ZNF385C: variants seen among roughly 807,000 people sequenced by gnomAD.
ZNF385C encodes the protein CTD-2132N18.2.
Under a neutral mutation model 35.4 loss-of-function variants are expected in ZNF385C, and 28 were observed. The observed-to-expected ratio is 0.79, with a 90% CI of 0.59 to 1.08. The LOEUF (loss-of-function observed/expected upper bound fraction) is 1.08. ZNF385C is among the 50% of genes least tolerant of loss of function. The probability of loss-of-function intolerance (pLI) is 0.00; values close to 1 mark genes in which losing one functional copy is unlikely to be tolerated. For synonymous variants in ZNF385C, 248 were observed against 248.2 expected (o/e 1.00, Z 0.01); for missense variants, 605 against 595.6 (o/e 1.02, Z -0.16).
intron 1 of ZNF385C, among the ~76,000 whole-genome samples, chr17:42,094,890 G>T (rs1555660868): frequency 6.6e-6 from 1 of 152,220 alleles, no homozygotes; most frequent in African/African-American, 2.4e-5. Flanking sequence ...TGGAGCCAGT[G>T]GGTCACCCAA....
At chr17:42,037,338 C>T (rs1006022851) in intron 3 of ZNF385C, among the ~76,000 whole-genome samples, 4 of 151,158 alleles carry the variant, frequency 2.6e-5, no homozygotes, top group Non-Finnish European at 5.9e-5. Context: ...CCACATATAA[C>T]ATACAAAACC....
chr17:42,095,507 C>G lies in ZNF385C; in HGVS notation c.-3+2903G>C, dbSNP rs147399249. ...GCTTCCATCCCTCCTGCTGCTGCGG[C>G]CCCATTTAGCTCTCTCCTTGCTCCT... On this transcript the variant is annotated intron_variant, in intron 1 of 8. Transcript: ENST00000692273. This position sits in a 1 kb window ranked among gnomAD's most constrained non-coding sequence, Gnocchi z 4.4. Among the ~76,000 whole-genome samples, 1,327 of 152,254 alleles carry G rather than the reference C, an allele frequency of 8.7e-3. 7 individuals are homozygous for G. The highest frequency in any genetic ancestry group is 0.021 in the South Asian group (99 of 4,818).
At chr17:42,092,971 G>A (rs1366307541) in intron 1 of ZNF385C, among the ~76,000 whole-genome samples, 2 of 152,216 alleles carry the variant, frequency 1.3e-5, no homozygotes, top group Non-Finnish European at 2.9e-5. Context: ...CCAAAGCTGG[G>A]TCTGGCCTCT....
intron 2 of ZNF385C, among the ~76,000 whole-genome samples, chr17:42,058,274 C>T (rs1555657734): frequency 6.6e-6 from 1 of 152,160 alleles, no homozygotes; most frequent in Non-Finnish European, 1.5e-5. Context: ...AACCACCTGT[C>T]ACTGTGGAAG....
intron 2 of ZNF385C, chr17:42,043,094 G>A: frequency 1.6e-6 from 2 of 1,232,240 alleles, no homozygotes. Flanking sequence ...AAAGGGGGCT[G>A]GCCCTGGTTG....
intron 7 of ZNF385C, 74 bp from the exon 8 acceptor site, chr17:42,027,802 T>C: frequency 6.8e-7 from 1 of 1,463,798 alleles, no homozygotes; most frequent in South Asian, 1.2e-5. Context: ...CCTCGACTCT[T>C]CCCCTTCCTC....
At chr17:42,034,753 C>T (rs1307730430) in intron 3 of ZNF385C, among the ~76,000 whole-genome samples, 3 of 146,802 alleles carry the variant, frequency 2.0e-5, no homozygotes, top group African/African-American at 5.1e-5. Flanking sequence ...CATTACACTC[C>T]AGCCTGGGCA....
At chr17:42,045,523 A>C (rs1297234571) in intron 2 of ZNF385C, among the ~76,000 whole-genome samples, 1 of 152,196 alleles carries the variant, frequency 6.6e-6, no homozygotes, top group Non-Finnish European at 1.5e-5. Context: ...GAGAGGACAA[A>C]ACTGAGGTCT....
In ZNF385C at chr17:42,034,294, A is replaced by G; in HGVS notation, c.441T>C (p.Gly147=). The G allele has an allele frequency of 6.4e-7, 1 of 1,550,548 alleles. No individual in the cohort carries two copies. Among genetic ancestry groups the G allele is most frequent in the Non-Finnish European group, 8.7e-7 (1 of 1,146,986 alleles). Residue 147 remains glycine, a synonymous_variant, in exon 4 of 9, where the codon GGT becomes GGC. Coordinates refer to ENST00000692273, the MANE Select transcript of ZNF385C (RefSeq NM_001392013.1). ...VQKAVISHTF[G]VPSPLKKKLF... is the part of the protein sequence containing the mutation. ...GCTTCTTCTTCAGAGGGGAGGGGAC[A>G]CCAAACGTGTGGCTGATGACAGCTT...
At chr17:42,033,033 T>A (rs1240623844) in intron 4 of ZNF385C, among the ~76,000 whole-genome samples, 2 of 152,106 alleles carry the variant, frequency 1.3e-5, no homozygotes, top group African/African-American at 2.4e-5. Flanking sequence ...CTCTCCTCCA[T>A]CTCTTGCAGG....
At chr17:42,091,113 A>G (rs1014868495) in intron 1 of ZNF385C, among the ~76,000 whole-genome samples, 50 of 152,208 alleles carry the variant, frequency 3.3e-4, no homozygotes, top group African/African-American at 1.2e-3. Context: ...GTTCCAAGGA[A>G]GCCCATTTCA....
At chr17:42,032,654 T>TG (rs2143555221) in intron 4 of ZNF385C, among the ~76,000 whole-genome samples, 1 of 152,244 alleles carries the variant, frequency 6.6e-6, no homozygotes, top group South Asian at 2.1e-4. Flanking sequence ...TGCCAGGCAC[T>TG]GTGCCCGGGG....
rs1267027780 is a variant in ZNF385C at position 42,063,047 on chromosome 17, G to A, written c.10C>T (p.Pro4Ser). The A allele has an allele frequency of 7.7e-6, 5 of 650,088 alleles. No individual in the cohort carries two copies. Among genetic ancestry groups the A allele is most frequent in the Non-Finnish European group, 1.4e-5 (5 of 363,082 alleles). The allele number at this position is 650,088 out of a possible 1,614,324, so 40.3% of individuals were successfully genotyped here. Residue 4 changes from proline to serine, a missense_variant, in exon 2 of 9, where the codon CCA becomes TCA. By Grantham distance (74) the Pro-to-Ser change is moderately conservative. Coordinates refer to ENST00000692273, the MANE Select transcript of ZNF385C (RefSeq NM_001392013.1). The part of the protein sequence containing the change: MKR[P>S]LSPPPPAEKE... ...TCAGCCGGTGGGGGTGGGCTCAGTGGCCGCTTCATATCTGAGTGGATAGAG... is the reference window on the plus strand; with the variant it reads ...TCAGCCGGTGGGGGTGGGCTCAGTGACCGCTTCATATCTGAGTGGATAGAG...
In ZNF385C at chr17:42,026,846, A is replaced by G; in HGVS notation, c.*51T>C. ...GGAAACCAAGGTGTCTCAGGACAGG[A>G]GGAGACAAGGAGTGGCTATTGGGAA... On this transcript the variant is annotated 3_prime_UTR_variant, in exon 9 of 9. Transcript: ENST00000692273. 1 of 1,504,236 alleles carries G rather than the reference A, an allele frequency of 6.6e-7. No individual in the cohort carries two copies. The highest frequency in any genetic ancestry group is 1.2e-5 in the South Asian group (1 of 83,400). 93.2% of individuals were successfully genotyped at this position (1,504,236 alleles called of 1,614,324 possible). A position where few individuals can be genotyped will look rare whatever the true frequency, so the allele number is the denominator to read the frequency against.
rs1567982598 is a variant in ZNF385C at position 42,027,722 on chromosome 17, T to C, written c.1171A>G (p.Ser391Gly). ...AGGCGGTCTTTGTGCCTCCTGCTGC[T>C]CATGTGCTAATGGACAGACAGACAG... is the stretch of plus-strand genomic sequence containing the variant. ...NSETQLKQHM[S>G]SRRHKDRLAG... The change falls in exon 8 of 9, where the codon AGC becomes GGC. Residue 391 changes from serine to glycine, a missense_variant. Physicochemically the swap from Ser to Gly is moderately conservative, Grantham distance 56 (BLOSUM62 0). Coordinates refer to ENST00000692273, the MANE Select transcript of ZNF385C (RefSeq NM_001392013.1). The C allele has an allele frequency of 6.2e-7, 1 of 1,612,422 alleles. No homozygotes were observed. Among genetic ancestry groups the C allele is most frequent in the Admixed American group, 1.7e-5 (1 of 59,382 alleles).
rs190610046 is a variant in ZNF385C, at chr17:42,064,933, T to C, written c.-2-1875A>G. On this transcript the variant is annotated intron_variant, in intron 1 of 8. Transcript: ENST00000692273. ...CACAATCTCAGCTCACTGCAACCTC[T>C]GCCTCCCGGATTCAAGCAATTCTCC... Among the ~76,000 whole-genome samples the C allele has an allele frequency of 4.7e-4, 72 of 152,192 alleles. 1 individual carries two copies. The highest frequency in any genetic ancestry group is 4.4e-3 in the Admixed American group (68 of 15,284).
At position 42,095,891 on chromosome 17, in the gene ZNF385C, C is replaced by T. The variant is rs543059943; in HGVS notation, c.-3+2519G>A. On this transcript the variant is annotated intron_variant, in intron 1 of 8. Coordinates refer to ENST00000692273, the MANE Select transcript of ZNF385C (RefSeq NM_001392013.1). The surrounding 1 kb of genome is among the most constrained non-coding windows in gnomAD (Gnocchi z 4.4). ...GGGCCTGGGGCAAGGGGACAAATGG[C>T]GGCCCACAGACATATGTCTAAATAT... 1.1e-4 allele frequency among the ~76,000 whole-genome samples: 17 copies of T among 152,208 alleles called. No homozygotes were observed. The highest frequency in any genetic ancestry group is 4.2e-4 in the South Asian group (2 of 4,812).
At chr17:42,058,010 CG>C (rs2053407390) in intron 2 of ZNF385C, among the ~76,000 whole-genome samples, 1 of 151,900 alleles carries the variant, frequency 6.6e-6, no homozygotes, top group South Asian at 2.1e-4. Flanking sequence ...CAGGGTAAGT[CG>C]GGGCAGTGCT....
chr17:42,057,513 CGTGTGTGTGTGT>C (rs57813267), intron 2 of ZNF385C, among the ~76,000 whole-genome samples: 21 of 146,952 alleles, frequency 1.4e-4, no homozygotes, highest in African/African-American at 5.5e-4. Context: ...CGCGCGCGCG[CGTGTGTGTGTGT>C]GTGTGTGTGT....
Sources: allele counts gnomAD v4.1 joint callset (sites outside exome capture counted in the v4.1 genomes callset), GRCh38; gene constraint gnomAD v4.1.1; non-coding constraint Gnocchi (gnomAD v3.1); transcripts MANE v1.5; gene names NCBI Gene and HGNC (gene_info 2026-07-23, HGNC 2026-07-21).